Variants in DMKN observed in about 807,000 individuals in gnomAD.
The protein encoded by DMKN is epidermis-specific secreted protein SK30/SK89.
In DMKN, 58 loss-of-function variants were observed where a neutral mutation model predicts 67.6. The observed-to-expected ratio is 0.86, with a 90% CI of 0.69 to 1.07. The LOEUF is 1.07. Among genes scored for constraint, DMKN ranks in the 50% least tolerant of loss-of-function variants. The pLI is 0.00. For missense variants in DMKN, 596 were observed against 601.5 expected (o/e 0.99, Z 0.10); for synonymous variants, 240 against 232.3 (o/e 1.03, Z -0.30).
At chr19:35,500,185 C>T in intron 12 of DMKN, 156 bp from the exon 13 acceptor site, 3 of 1,171,380 alleles carry the variant, frequency 2.6e-6, no homozygotes, top group Non-Finnish European at 3.7e-6. Flanking sequence ...CAATCTCCTC[C>T]AGCCAGCCAG....
chr19:35,500,177 A>G (rs1459342410), intron 12 of DMKN, 148 bp from the exon 13 acceptor site: 1 of 1,184,230 alleles, frequency 8.4e-7, no homozygotes, highest in Non-Finnish European at 1.2e-6. Context: ...CTTTTATACA[A>G]TCTCCTCCAG....
chr19:35,510,301 G>T, intron 5 of DMKN, 49 bp from the exon 6 acceptor site: 1 of 1,562,432 alleles, frequency 6.4e-7, no homozygotes, highest in Non-Finnish European at 8.7e-7. Context: ...GACCTAAAGG[G>T]GACCCAGTCG....
Position 35,513,032 on chromosome 19 carries a change from A to T in DMKN, c.426+18T>A, listed in dbSNP as rs74342103. The T allele has an allele frequency of 0.025, 40,270 of 1,610,598 alleles. 604 individuals carry two copies. The highest frequency in any genetic ancestry group is 0.042 in the South Asian group (3,794 of 91,028). ...CCCACAGCCTCCCATTTCCACATGCAGCCCCACAGCCACTCACCCAAGCAC... is the reference window on the plus strand; with the variant it reads ...CCCACAGCCTCCCATTTCCACATGCTGCCCCACAGCCACTCACCCAAGCAC... On this transcript the variant is annotated intron_variant, in intron 1 of 15. Coordinates refer to ENST00000339686, the MANE Select transcript of DMKN (RefSeq NM_033317.5).
chr19:35,501,851 A>AGGCCC (rs1025685831), intron 11 of DMKN: 1 of 1,583,086 alleles, frequency 6.3e-7, no homozygotes, highest in African/African-American at 1.3e-5. Context: ...GGTCCAGGCC[A>AGGCCC]GGCCCAGCAG....
At chr19:35,502,709 A>G in intron 10 of DMKN, 121 bp downstream of exon 10, 1 of 1,028,956 alleles carries the variant, frequency 9.7e-7, no homozygotes, top group Non-Finnish European at 1.5e-6. Context: ...TGTCTCAAAA[A>G]AAAAAAGGGG....
At position 35,505,781 on chromosome 19, in the gene DMKN, AAAG is replaced by A. The variant is rs780694654; in HGVS notation, c.1087-19_1087-17del. The A allele has an allele frequency of 1.1e-5, 17 of 1,614,100 alleles. No individual in the cohort carries two copies. Among genetic ancestry groups the A allele is most frequent in the South Asian group, 3.3e-5 (3 of 91,090 alleles). On this transcript the variant is annotated splice_polypyrimidine_tract_variant and intron_variant, in intron 8 of 15. Transcript: ENST00000339686. The stretch of plus-strand genomic sequence containing the variant: ...ATTTAAAATTCTATGGAGGAAACAA[AAAG>A]AAGAATGGCCAAATTGAGTCATAAG...
chr19:35,506,201 G>T, intron 7 of DMKN: 1 of 1,495,456 alleles, frequency 6.7e-7, no homozygotes, highest in Non-Finnish European at 8.9e-7. Flanking sequence ...TGGGGAAAAG[G>T]GGGACCGATG....
chr19:35,512,625 T>G lies in DMKN; in HGVS notation c.592A>C (p.Asn198His). The stretch of plus-strand genomic sequence containing the variant: ...GTCCCAAAGTTTGGTGGCCCTCCAT[T>G]GCCTCCTTGACCCCAGGGAGCTCCC... The part of the protein sequence containing the change: ...PQGAPWGQGG[N>H]GGPPNFGTNT... The change falls in exon 2 of 16, where the codon AAT (asparagine) becomes CAT (histidine). Residue 198 changes from asparagine (N) to histidine (H), a missense_variant. By Grantham distance (68) the Asn-to-His change is moderately conservative. Coordinates refer to ENST00000339686, the MANE Select transcript of DMKN (RefSeq NM_033317.5). 6.2e-7 allele frequency: 1 copy of G among 1,614,090 alleles called. No individual in the cohort carries two copies. The highest frequency in any genetic ancestry group is 8.5e-7 in the Non-Finnish European group (1 of 1,179,996).
intron 11 of DMKN, 192 bp downstream of exon 11, chr19:35,501,944 C>T: frequency 6.4e-7 from 1 of 1,555,230 alleles, no homozygotes; most frequent in Non-Finnish European, 8.7e-7. Context: ...GGCTTTTATG[C>T]TAGGGAGGTC....
At chr19:35,503,839 G>GGGTAT (rs1599891457) in intron 9 of DMKN, among the ~76,000 whole-genome samples, 2 of 152,134 alleles carry the variant, frequency 1.3e-5, no homozygotes, top group East Asian at 3.9e-4. Flanking sequence ...GCCAGCACAA[G>GGGTAT]GGTATAAGAG....
At chr19:35,509,173 A>T (rs977108814) in intron 7 of DMKN, among the ~76,000 whole-genome samples, 1 of 152,184 alleles carries the variant, frequency 6.6e-6, no homozygotes, top group Non-Finnish European at 1.5e-5. Context: ...GTGAGCTCAG[A>T]TCGCACCACT....
chr19:35,502,770 G>A (rs1361673323), intron 10 of DMKN, 60 bp downstream of exon 10: 1 of 1,587,308 alleles, frequency 6.3e-7, no homozygotes, highest in East Asian at 2.2e-5. Flanking sequence ...CTTGAGGGAG[G>A]CTTGGGGAGA....
chr19:35,508,077 C>T, intron 7 of DMKN: 1 of 1,267,186 alleles, frequency 7.9e-7, no homozygotes, highest in Non-Finnish European at 1.1e-6. Flanking sequence ...TTCCTCGTTC[C>T]CAGAGCTCTC....
At position 35,512,761 on chromosome 19, in the gene DMKN, G is replaced by A; in HGVS notation, c.456C>T (p.Gly152=). ...CCTGGCCTCCAAGGCCACCTTGAGAGCCAAAGATGCCATGGCCTCCAGAAG... is the reference window on the plus strand; with the variant it reads ...CCTGGCCTCCAAGGCCACCTTGAGAACCAAAGATGCCATGGCCTCCAGAAG... The part of the protein sequence containing the change: ...WETSGGHGIF[G]SQGGLGGQGQ... The change falls in exon 2 of 16, where the codon GGC becomes GGT. Residue 152 remains glycine (G), a synonymous_variant. Transcript: ENST00000339686. 1.9e-6 allele frequency: 3 copies of A among 1,613,900 alleles called. No individual in the cohort carries two copies. Among genetic ancestry groups the A allele is most frequent in the Middle Eastern group, 3.3e-4 (2 of 6,056 alleles).
At chr19:35,503,405 G>C (rs1245426457) in intron 9 of DMKN, 2 of 1,551,530 alleles carry the variant, frequency 1.3e-6, no homozygotes, top group Non-Finnish European at 8.7e-7. Flanking sequence ...CAATCTGGTG[G>C]CTCCTTGTCT....
At chr19:35,502,971 C>G (rs1214169596) in intron 9 of DMKN, 85 bp from the exon 10 acceptor site, 15 of 1,413,116 alleles carry the variant, frequency 1.1e-5, no homozygotes, top group Non-Finnish European at 1.4e-5. Context: ...CTATCTCAAC[C>G]TTCAGAATGT....
chr19:35,500,358 G>T lies in DMKN; in HGVS notation c.1287+175C>A, dbSNP rs1444864588. On this transcript the variant is annotated intron_variant, in intron 12 of 15. Coordinates refer to ENST00000339686, the MANE Select transcript of DMKN (RefSeq NM_033317.5). ...GAAGTGCCAGGACGTAACCCAGCGG[G>T]TCCATGGTAGATGTCTCACCTTGGA... The T allele has an allele frequency of 2.6e-6, 4 of 1,551,212 alleles. No individual in the cohort carries two copies. In the African/African-American group the frequency reaches 5.5e-5, roughly 21 times the overall value.
At chr19:35,512,301 T>C in intron 3 of DMKN, 120 bp downstream of exon 3, 1 of 1,370,728 alleles carries the variant, frequency 7.3e-7, no homozygotes, top group South Asian at 1.4e-5. Flanking sequence ...CCCAGCCCCA[T>C]CTCTTCCTCT....
At chr19:35,511,993 C>CTTCTTTT (rs2070918031) in intron 3 of DMKN, among the ~76,000 whole-genome samples, 180 bp from the exon 4 acceptor site, 1 of 113,066 alleles carries the variant, frequency 8.8e-6, no homozygotes, top group South Asian at 3.2e-4. Flanking sequence ...TCTCTTCCTC[C>CTTCTTTT]TTTTTTTTTT....
Sources: gnomAD v4.1 joint callset for allele counts (sites outside exome capture counted in the v4.1 genomes callset) on GRCh38, gnomAD v4.1.1 for gene constraint, MANE v1.5 for transcripts, NCBI Gene and HGNC (gene_info 2026-07-23, HGNC 2026-07-21) for gene names.